The following MEIS1 variants were observed in gnomAD, a reference collection of about 807,000 sequenced individuals.
MEIS1 encodes homeobox protein Meis1.
A neutral mutation model predicts 50.8 loss-of-function variants in MEIS1; 5 were observed. The observed-to-expected ratio is 0.10, with a 90% confidence interval of 0.05 to 0.21. The LOEUF is 0.21. Among genes scored for constraint, MEIS1 ranks in the 10% least tolerant of loss-of-function variants. The probability of loss-of-function intolerance (pLI) is 1.00; values close to 1 mark genes in which losing one functional copy is unlikely to be tolerated. For synonymous variants in MEIS1, 176 were observed against 179.3 expected, an observed-to-expected ratio of 0.98 and a Z score of 0.15; for missense variants, 318 against 517.3, an observed-to-expected ratio of 0.61 and a Z score of 3.74.
At chr2:66,558,963 G>A (rs1261025914) in intron 9 of MEIS1, among the ~76,000 whole-genome samples, 1 of 152,110 alleles carries the variant, frequency 6.6e-6, no homozygotes, top group African/African-American at 2.4e-5. Flanking sequence ...ACAACATGGC[G>A]AAACCCTGTC....
intron 7 of MEIS1, among the ~76,000 whole-genome samples, chr2:66,491,450 A>G (rs1181804066): frequency 6.6e-6 from 1 of 152,214 alleles, no homozygotes; most frequent in South Asian, 2.1e-4. Flanking sequence ...ATCCATTCCT[A>G]TAGAAAATAT....
chr2:66,560,129 G>T (rs2103959040), intron 9 of MEIS1, among the ~76,000 whole-genome samples: 2 of 137,272 alleles, frequency 1.5e-5, no homozygotes, highest in African/African-American at 2.7e-5. Flanking sequence ...TTTTTAGGAT[G>T]AAGTCATTTC....
chr2:66,512,342 C>T (rs1466166109), intron 8 of MEIS1, 48 bp downstream of exon 8: 1 of 1,549,696 alleles, frequency 6.5e-7, no homozygotes, highest in African/African-American at 1.4e-5. Context: ...GGACAATGAA[C>T]CAGTTTTTAT....
At chr2:66,480,913 T>A (rs750945353) in intron 7 of MEIS1, among the ~76,000 whole-genome samples, 2 of 152,160 alleles carry the variant, frequency 1.3e-5, no homozygotes, top group African/African-American at 2.4e-5. Context: ...TGTCCATTAC[T>A]TGGAGAATGA....
intron 8 of MEIS1, among the ~76,000 whole-genome samples, chr2:66,537,292 T>G (rs951788513): frequency 2.6e-5 from 4 of 152,214 alleles, no homozygotes; most frequent in African/African-American, 4.8e-5. Context: ...CCTGGGCTCA[T>G]CAGTTGCAGT....
chr2:66,484,367 A>G (rs1452784692), intron 7 of MEIS1, among the ~76,000 whole-genome samples: 1 of 152,052 alleles, frequency 6.6e-6, no homozygotes, highest in Non-Finnish European at 1.5e-5. Context: ...CAGAGAGCCC[A>G]TTTCCTATTT....
At chr2:66,522,158 A>T (rs1674139074) in intron 8 of MEIS1, among the ~76,000 whole-genome samples, 1 of 152,238 alleles carries the variant, frequency 6.6e-6, no homozygotes. Context: ...CCTTCTTTCT[A>T]GCCAGAACAG....
chr2:66,476,477 G>A (rs78234679), intron 7 of MEIS1, among the ~76,000 whole-genome samples: 5,962 of 152,288 alleles, frequency 0.039, 151 homozygotes, highest in Middle Eastern at 0.071. Context: ...TCTGCTAAAT[G>A]TGGGAATTCA....
chr2:66,476,700 A>G (rs1323819861), intron 7 of MEIS1, among the ~76,000 whole-genome samples: 1 of 152,162 alleles, frequency 6.6e-6, no homozygotes, highest in African/African-American at 2.4e-5. Context: ...TTTTTAATGG[A>G]TCACAGCACC....
At chr2:66,517,886 T>C (rs1166009423) in intron 8 of MEIS1, among the ~76,000 whole-genome samples, 1 of 152,212 alleles carries the variant, frequency 6.6e-6, no homozygotes, top group Non-Finnish European at 1.5e-5. Flanking sequence ...ATGAATTTTC[T>C]TAGGTCAGGT....
chr2:66,512,180 C>G lies in MEIS1; in HGVS notation c.774C>G (p.Pro258=), dbSNP rs754089524. Residue 258 remains proline, a synonymous_variant, in exon 8 of 13, where the codon CCC becomes CCG. Transcript: ENST00000272369. ...GDGLDNSVAS[P]STGDDDDPDK... ...GCTTGGACAACAGTGTAGCTTCCCC[C>G]AGCACAGGTGACGATGATGACCCTG... 1.1e-5 allele frequency: 17 copies of G among 1,606,796 alleles called. No homozygotes were observed. In the African/African-American group the frequency reaches 1.2e-4, roughly 11 times the overall value.
chr2:66,564,911 G>T (rs1409122719), intron 9 of MEIS1, among the ~76,000 whole-genome samples: 1 of 151,134 alleles, frequency 6.6e-6, no homozygotes, highest in African/African-American at 2.4e-5. Context: ...GAAAGTAATG[G>T]CAAGACCGCA....
chr2:66,491,651 T>G (rs1488701332), intron 7 of MEIS1, among the ~76,000 whole-genome samples: 3 of 152,154 alleles, frequency 2.0e-5, no homozygotes, highest in Non-Finnish European at 2.9e-5. Context: ...TTAGTGTATG[T>G]TTTCAGAATC....
intron 2 of MEIS1, chr2:66,439,160 C>A: frequency 4.3e-6 from 2 of 469,976 alleles, no homozygotes; most frequent in Non-Finnish European, 5.6e-6. Flanking sequence ...TTTGCCACTT[C>A]GCAGAGACAA....
chr2:66,492,492 C>G (rs1673296912), intron 7 of MEIS1, among the ~76,000 whole-genome samples: 1 of 152,314 alleles, frequency 6.6e-6, no homozygotes, highest in South Asian at 2.1e-4. Flanking sequence ...CCTCTCTACC[C>G]TGCACTGGAG....
chr2:66,559,183 CA>C (rs1442552858), intron 9 of MEIS1, among the ~76,000 whole-genome samples: 2 of 151,070 alleles, frequency 1.3e-5, no homozygotes, highest in African/African-American at 4.9e-5. Context: ...AACAAGTAAA[CA>C]AAAAAACCTG....
intron 7 of MEIS1, among the ~76,000 whole-genome samples, chr2:66,493,215 A>G (rs1270091557): frequency 6.6e-6 from 1 of 152,192 alleles, no homozygotes; most frequent in African/African-American, 2.4e-5. Flanking sequence ...TACTTTTTCC[A>G]TAGTCTTATC....
chr2:66,476,544 C>T (rs1476322874), intron 7 of MEIS1, among the ~76,000 whole-genome samples: 2 of 152,146 alleles, frequency 1.3e-5, no homozygotes, highest in Non-Finnish European at 2.9e-5. Context: ...GAGGAACAGA[C>T]AGTTTAGTAT....
chr2:66,538,933 G>T (rs1286935199), intron 8 of MEIS1, among the ~76,000 whole-genome samples: 1 of 152,104 alleles, frequency 6.6e-6, no homozygotes, highest in Non-Finnish European at 1.5e-5. Context: ...TGTCAACCAG[G>T]CTGGAGTGCA....
Sources: allele counts gnomAD v4.1 joint callset (sites outside exome capture counted in the v4.1 genomes callset), GRCh38; gene constraint gnomAD v4.1.1; transcripts MANE v1.5; gene names NCBI Gene and HGNC (gene_info 2026-07-23, HGNC 2026-07-21).